ERI1: variants seen among roughly 807,000 people sequenced by gnomAD.
The protein encoded by ERI1 is 3'-5' exoribonuclease 1.
In ERI1, 39 loss-of-function variants were observed where a neutral mutation model predicts 39.7. The ratio of observed to expected loss-of-function variants is 0.98; its 90% confidence interval spans 0.76 to 1.28. The LOEUF is 1.28. Among genes scored for constraint, ERI1 ranks in the 50% most tolerant of loss-of-function variants. The probability of loss-of-function intolerance (pLI) is 0.00; values close to 1 mark genes in which losing one functional copy is unlikely to be tolerated. For synonymous variants in ERI1, 204 were observed against 149.6 expected (o/e 1.36, Z -2.65); for missense variants, 581 against 416.9 (o/e 1.39, Z -3.43).
chr8:9,096,431 G>C (rs1038197774), intron 3 of ERI1, among the ~76,000 whole-genome samples: 26 of 152,256 alleles, frequency 1.7e-4, no homozygotes, highest in Non-Finnish European at 1.0e-4. Flanking sequence ...CCTTGAACCA[G>C]GGCCAAGTAC....
At chr8:9,038,176 A>C (rs966538830), downstream of ERI1, among the ~76,000 whole-genome samples, 1 of 152,236 alleles carries the variant, frequency 6.6e-6, no homozygotes, top group Admixed American at 6.5e-5. Flanking sequence ...CATAGAAAAT[A>C]CATAAAGGCT....
At chr8:9,078,653 T>G (rs991118174) in intron 3 of ERI1, among the ~76,000 whole-genome samples, 1 of 152,154 alleles carries the variant, frequency 6.6e-6, no homozygotes, top group Admixed American at 6.5e-5. Context: ...AGAGACCAAG[T>G]CATTTTCATC....
At chr8:9,072,853 G>A (rs969243863) in intron 3 of ERI1, among the ~76,000 whole-genome samples, 5 of 152,202 alleles carry the variant, frequency 3.3e-5, no homozygotes, top group African/African-American at 1.2e-4. Flanking sequence ...GTGCTCGGGT[G>A]AACTGCAAGT....
rs768672373 is a variant in ERI1, at chr8:9,007,932, ATCCTTTTTTTTTTTT to A, written c.109-36_109-22del. On this transcript the variant is annotated intron_variant, in intron 1 of 6. Coordinates refer to ENST00000250263, the MANE Select transcript of ERI1 (RefSeq NM_153332.4). ...GATGTTTGTACTAATTATAAACTAC[ATCCTTTTTTTTTTTT>A]TTTTTTTTTTTTTTTTTGGTAGGAA... The A allele has an allele frequency of 8.0e-3, 12,278 of 1,526,402 alleles. 59 individuals carry two copies. The highest frequency in any genetic ancestry group is 0.019 in the African/African-American group (1,257 of 66,204). The allele number at this position is 1,526,402 out of a possible 1,614,324, so 94.6% of individuals were successfully genotyped here. A position where few individuals can be genotyped will look rare whatever the true frequency, so the allele number is the denominator to read the frequency against.
intron 3 of ERI1, among the ~76,000 whole-genome samples, chr8:9,068,777 G>C (rs1333039843): frequency 1.3e-5 from 2 of 152,148 alleles, no homozygotes; most frequent in South Asian, 2.1e-4. Context: ...CGTACCTTGA[G>C]TGACCAGAGA....
At chr8:9,003,264 G>C (rs565349646) in intron 1 of ERI1, 93 bp downstream of exon 1, 1 of 765,142 alleles carries the variant, frequency 1.3e-6, no homozygotes, top group Non-Finnish European at 1.8e-6. Flanking sequence ...TCCCGCAGAA[G>C]GTGCAGCTGT....
intron 3 of ERI1, among the ~76,000 whole-genome samples, chr8:9,069,866 A>T (rs2117422471): frequency 6.6e-6 from 1 of 152,358 alleles, no homozygotes; most frequent in Middle Eastern, 3.4e-3. Flanking sequence ...TAACTATTGT[A>T]AGTCAACAGA....
Position 9,044,546 on chromosome 8 carries a change from G to T in ERI1, n.299+24082G>T, listed in dbSNP as rs189184371. Reference sequence around the variant, plus strand: ...TGATGGAGAAATAATTACAATCCATGATGTGGCCAAAGTACACAGAGGACA... The same window carrying T: ...TGATGGAGAAATAATTACAATCCATTATGTGGCCAAAGTACACAGAGGACA... On this transcript the variant is annotated intron_variant and non_coding_transcript_variant, in intron 3 of 3. Coordinates refer to the ERI1 transcript ENST00000518663. Among the ~76,000 whole-genome samples, 268 of 152,242 alleles carry T rather than the reference G, an allele frequency of 1.8e-3. 3 individuals carry two copies. The highest frequency in any genetic ancestry group is 9.7e-4 in the East Asian group (5 of 5,176).
Position 9,052,703 on chromosome 8 carries a change from A to G in ERI1, n.299+32239A>G, listed in dbSNP as rs142512876. Among the ~76,000 whole-genome samples the G allele has an allele frequency of 4.8e-4, 73 of 152,346 alleles. 1 individual carries two copies. The highest frequency in any genetic ancestry group is 1.7e-3 in the African/African-American group (71 of 41,590). Reference sequence around the variant, plus strand: ...AGAAAACACATTTCAGAACTATGGTATAATAAAAAATATGTTTGGTCTTTA... The same window carrying G: ...AGAAAACACATTTCAGAACTATGGTGTAATAAAAAATATGTTTGGTCTTTA... On this transcript the variant is annotated intron_variant and non_coding_transcript_variant, in intron 3 of 3. Transcript: ENST00000518663.
chr8:9,028,404 A>G (rs1268672561), intron 6 of ERI1, among the ~76,000 whole-genome samples: 1 of 152,206 alleles, frequency 6.6e-6, no homozygotes, highest in Non-Finnish European at 1.5e-5. Context: ...AGTGGAAGGT[A>G]CAGGGTATAT....
At chr8:9,020,627 G>A (rs928922923) in intron 6 of ERI1, among the ~76,000 whole-genome samples, 163 bp downstream of exon 6, 7 of 151,990 alleles carry the variant, frequency 4.6e-5, no homozygotes, top group Admixed American at 3.3e-4. Context: ...AATTAGATAA[G>A]CCTTTTTCTC....
chr8:9,044,289 A>G (rs1213376742), intron 3 of ERI1, among the ~76,000 whole-genome samples: 5 of 152,098 alleles, frequency 3.3e-5, no homozygotes, highest in Non-Finnish European at 7.3e-5. Flanking sequence ...AGCTCCTTAC[A>G]TTTTCTCTGA....
chr8:9,052,798 T>C (rs570739564), intron 3 of ERI1, among the ~76,000 whole-genome samples: 3 of 152,314 alleles, frequency 2.0e-5, no homozygotes, highest in East Asian at 1.9e-4. Context: ...TCTGTTGTTA[T>C]ACATGAATCC....
intron 3 of ERI1, among the ~76,000 whole-genome samples, chr8:9,086,599 T>C (rs1210343907): frequency 1.3e-5 from 2 of 152,134 alleles, no homozygotes; most frequent in African/African-American, 4.8e-5. Flanking sequence ...AGTTTGACTC[T>C]TAAGAATGCA....
intron 2 of ERI1, chr8:9,008,981 T>A: frequency 2.2e-6 from 1 of 456,306 alleles, no homozygotes; most frequent in South Asian, 1.5e-5. Flanking sequence ...TACATCATAA[T>A]GTATGAAGAA....
intron 6 of ERI1, among the ~76,000 whole-genome samples, chr8:9,021,774 G>T (rs10103071): frequency 0.072 from 6,190 of 86,004 alleles, 384 homozygotes; most frequent in African/African-American, 0.21. Context: ...TGTTTTTTTT[G>T]TTTTTTTTTT....
intron 6 of ERI1, among the ~76,000 whole-genome samples, chr8:9,029,435 TCTC>T (rs1377524670): frequency 1.3e-5 from 2 of 152,156 alleles, no homozygotes; most frequent in African/African-American, 4.8e-5. Context: ...TTCAGGCAGT[TCTC>T]CTGCCTCAGC....
chr8:9,065,698 A>G (rs1798850666), intron 3 of ERI1, among the ~76,000 whole-genome samples: 1 of 55,124 alleles, frequency 1.8e-5, no homozygotes, highest in African/African-American at 4.4e-5. Flanking sequence ...CCATCTCAAA[A>G]AAAAAAAAAA....
At chr8:9,049,424 G>C (rs1280209063) in intron 3 of ERI1, among the ~76,000 whole-genome samples, 2 of 149,438 alleles carry the variant, frequency 1.3e-5, no homozygotes, top group Admixed American at 6.7e-5. Context: ...ATTGAAATAT[G>C]GATAGCATCT....
Sources: gnomAD v4.1 joint callset for allele counts (sites outside exome capture counted in the v4.1 genomes callset) on GRCh38, gnomAD v4.1.1 for gene constraint, MANE v1.5 for transcripts, NCBI Gene and HGNC (gene_info 2026-07-23, HGNC 2026-07-21) for gene names.